The following BTNL8 variants were observed in gnomAD, a reference collection of about 807,000 sequenced individuals.
BTNL8 encodes the protein butyrophilin-like protein 8.
BTNL8 carries 22 observed loss-of-function variants against 36.1 expected under a neutral mutation model. The observed-to-expected ratio is 0.61, with a 90% CI of 0.44 to 0.87. The LOEUF is 0.87. Among genes scored for constraint, BTNL8 ranks in the 40% least tolerant of loss-of-function variants. The probability of loss-of-function intolerance (pLI) is 0.00; values close to 1 mark genes in which losing one functional copy is unlikely to be tolerated. For synonymous variants in BTNL8, 203 were observed against 235.6 expected (o/e 0.86, Z 1.27); for missense variants, 526 against 616.9 (o/e 0.85, Z 1.56).
rs1327709102 is a variant in BTNL8, at chr5:180,950,832, T to C, written c.*288T>C. On this transcript the variant is annotated 3_prime_UTR_variant, in exon 8 of 8. Coordinates refer to ENST00000340184, the MANE Select transcript of BTNL8 (RefSeq NM_001040462.3). ...TGGTGTAGATTAAGTAGACAAGGAA[T>C]GTGAATAATGCTTAGATCTTATTGA... is the stretch of plus-strand genomic sequence containing the variant. 7.2e-6 allele frequency: 3 copies of C among 416,166 alleles called. 1 individual carries two copies. The Admixed American group carries it at 1.2e-4, about 17-fold the overall frequency. 25.8% of individuals were successfully genotyped at this position (416,166 alleles called of 1,614,324 possible). A position where few individuals can be genotyped will look rare whatever the true frequency, so the allele number is the denominator to read the frequency against.
chr5:180,899,202 G>C lies in BTNL8; in HGVS notation c.-109G>C. The C allele has an allele frequency of 7.5e-7, 1 of 1,338,982 alleles. No homozygotes were observed. The highest frequency in any genetic ancestry group is 1.1e-6 in the Non-Finnish European group (1 of 937,682). The allele number at this position is 1,338,982 out of a possible 1,614,324, so 82.9% of individuals were successfully genotyped here. ...CTCCGCTCACGCAGAGCCTCTCCGT[G>C]GCTTCCGCACCTTGAGCATTAGGCC... On this transcript the variant is annotated 5_prime_UTR_variant, in exon 1 of 8. Transcript: ENST00000340184.
chr5:180,936,859 CT>C (rs1375688408), intron 3 of BTNL8, among the ~76,000 whole-genome samples: 1 of 152,204 alleles, frequency 6.6e-6, no homozygotes, highest in Non-Finnish European at 1.5e-5. Flanking sequence ...AAACTTTCAA[CT>C]GTCAGAGGTG....
intron 3 of BTNL8, among the ~76,000 whole-genome samples, chr5:180,923,943 A>G (rs1757984596): frequency 6.6e-6 from 1 of 152,228 alleles, no homozygotes. Context: ...CTTATTAAGG[A>G]TTAGATAAGT....
intron 3 of BTNL8, among the ~76,000 whole-genome samples, chr5:180,912,912 C>T (rs6601151): frequency 0.45 from 68,225 of 151,806 alleles, 16,415 homozygotes; most frequent in African/African-American, 0.63. Context: ...GAAATATGAG[C>T]GGAGGAATTT....
chr5:180,917,763 G>T (rs372511976), intron 3 of BTNL8, among the ~76,000 whole-genome samples: 1 of 89,982 alleles, frequency 1.1e-5, no homozygotes, highest in African/African-American at 3.0e-5. Flanking sequence ...GCGTGGTGGC[G>T]GGTGCCTGTA....
At chr5:180,912,532 A>C (rs1757446931) in intron 3 of BTNL8, among the ~76,000 whole-genome samples, 1 of 152,088 alleles carries the variant, frequency 6.6e-6, no homozygotes, top group East Asian at 1.9e-4. Context: ...CTAGAGAAAA[A>C]GAATTTTAGG....
chr5:180,902,524 T>A (rs1047100141), intron 1 of BTNL8: 10 of 936,110 alleles, frequency 1.1e-5, no homozygotes, highest in Non-Finnish European at 1.3e-5. Context: ...AGGGTTTTTT[T>A]TTTTGTTTTT....
At position 180,950,424 on chromosome 5, in the gene BTNL8, A is replaced by C; in HGVS notation, c.1383A>C (p.Pro461=). Reference sequence around the variant, plus strand: ...ATGGAACTCCCATAGTCATCTGCCCAGTCACCCAGGAATCAGAGAAAGAGG... The same window carrying C: ...ATGGAACTCCCATAGTCATCTGCCCCGTCACCCAGGAATCAGAGAAAGAGG... The part of the protein sequence containing the change: ...EQNGTPIVIC[P]VTQESEKEAS... The change falls in exon 8 of 8, where the codon CCA becomes CCC. Residue 461 remains proline (P), a synonymous_variant. Coordinates refer to ENST00000340184, the MANE Select transcript of BTNL8 (RefSeq NM_001040462.3). 4 of 1,463,824 alleles carry C rather than the reference A, an allele frequency of 2.7e-6. 1 individual carries two copies. The highest frequency in any genetic ancestry group is 3.8e-6 in the Non-Finnish European group (4 of 1,059,140). The allele number at this position is 1,463,824 out of a possible 1,614,324, so 90.7% of individuals were successfully genotyped here.
At chr5:180,908,516 C>G in intron 1 of BTNL8, 70 bp from the exon 2 acceptor site, 3 of 1,467,024 alleles carry the variant, frequency 2.0e-6, no homozygotes, top group Non-Finnish European at 2.8e-6. Context: ...TGTTCCTATT[C>G]GGCCATCTTG....
chr5:180,932,008 C>T (rs1363850313), intron 3 of BTNL8, among the ~76,000 whole-genome samples: 1 of 152,182 alleles, frequency 6.6e-6, no homozygotes, highest in African/African-American at 2.4e-5. Flanking sequence ...CACATGCACA[C>T]ATATGTTTAT....
intron 1 of BTNL8, among the ~76,000 whole-genome samples, chr5:180,906,036 G>A (rs929320126): frequency 2.1e-5 from 3 of 144,128 alleles, no homozygotes; most frequent in Admixed American, 1.4e-4. Flanking sequence ...TGTCTATTAG[G>A]TCCGCTTGGT....
rs780843637 is a variant in BTNL8 at position 180,949,310 on chromosome 5, G to A, written c.862+45G>A. On this transcript the variant is annotated intron_variant, in intron 7 of 7. Transcript: ENST00000340184. ...TGACAGTGGGACAGAATCTCAGGTGGACATGAGAGGGGGAACTGAACAGGG... is the reference window on the plus strand; with the variant it reads ...TGACAGTGGGACAGAATCTCAGGTGAACATGAGAGGGGGAACTGAACAGGG... 11 of 1,460,832 alleles carry A rather than the reference G, an allele frequency of 7.5e-6. 2 individuals carry two copies. In the Admixed American group the frequency reaches 1.7e-4, roughly 23 times the overall value. The allele number at this position is 1,460,832 out of a possible 1,614,324, so 90.5% of individuals were successfully genotyped here.
chr5:180,920,711 C>T (rs1309607367), intron 3 of BTNL8, among the ~76,000 whole-genome samples: 1 of 151,992 alleles, frequency 6.6e-6, no homozygotes, highest in East Asian at 1.9e-4. Context: ...AGTTAATGTC[C>T]AAAATATGTA....
At chr5:180,900,815 T>A (rs1430715586) in intron 1 of BTNL8, among the ~76,000 whole-genome samples, 1 of 152,218 alleles carries the variant, frequency 6.6e-6, no homozygotes, top group Non-Finnish European at 1.5e-5. Context: ...CTGGGACCTT[T>A]GGAGGAACTT....
chr5:180,948,502 G>C, intron 5 of BTNL8, 127 bp downstream of exon 5: 1 of 1,607,876 alleles, frequency 6.2e-7, no homozygotes, highest in South Asian at 1.1e-5. Flanking sequence ...GTGGAGGAGA[G>C]CAGCTGCTCG....
At chr5:180,947,855 G>T in intron 4 of BTNL8, 1 of 1,442,736 alleles carries the variant, frequency 6.9e-7, no homozygotes. Flanking sequence ...ATAAGGGGAT[G>T]AATGATTTTC....
chr5:180,938,650 G>T (rs1758779085), intron 3 of BTNL8, among the ~76,000 whole-genome samples: 1 of 150,936 alleles, frequency 6.6e-6, no homozygotes, highest in African/African-American at 2.4e-5. Flanking sequence ...TGATTATCCT[G>T]CCTTAGCCTC....
intron 3 of BTNL8, among the ~76,000 whole-genome samples, chr5:180,923,493 T>C (rs1340875172): frequency 6.6e-6 from 1 of 152,128 alleles, no homozygotes; most frequent in Non-Finnish European, 1.5e-5. Context: ...CTTTTATGAA[T>C]TAGCAACAGA....
Position 180,909,581 on chromosome 5 carries a change from T to C in BTNL8, c.397+648T>C, listed in dbSNP as rs565025290. 14 of 985,178 alleles carry C rather than the reference T, an allele frequency of 1.4e-5. No homozygotes were observed. The Admixed American group carries it at 2.5e-4, about 17-fold the overall frequency. The allele number at this position is 985,178 out of a possible 1,614,324, so 61.0% of individuals were successfully genotyped here. ...ACTTCCATAGTCACACCCTTCACAG[T>C]GAAATGTATTTGACGGGGCTGGGTG... On this transcript the variant is annotated intron_variant, in intron 2 of 7. Coordinates refer to ENST00000340184, the MANE Select transcript of BTNL8 (RefSeq NM_001040462.3).
Sources: allele counts gnomAD v4.1 joint callset (sites outside exome capture counted in the v4.1 genomes callset), GRCh38; gene constraint gnomAD v4.1.1; transcripts MANE v1.5; gene names NCBI Gene and HGNC (gene_info 2026-07-23, HGNC 2026-07-21).